RANBP2: variants seen among roughly 807,000 people sequenced by gnomAD.
RANBP2 encodes RAN binding protein 2, also known as E3 SUMO-protein ligase RanBP2.
RANBP2 carries 57 observed loss-of-function variants against 303.6 expected under a neutral mutation model. That is an observed-to-expected ratio of 0.19 (90% CI 0.15 to 0.23). The LOEUF (loss-of-function observed/expected upper bound fraction) is 0.23. Ranked by LOEUF, RANBP2 falls within the 10% of genes least tolerant of loss-of-function variation. RANBP2 has a pLI of 1.00. For missense variants in RANBP2, 3,138 were observed against 3,780.8 expected, an observed-to-expected ratio of 0.83 and a Z score of 4.46; for synonymous variants, 1,167 against 1,301.5, an observed-to-expected ratio of 0.90 and a Z score of 2.23.
chr2:109,031,454 A>C, the RANBP2 span, among the ~76,000 whole-genome samples: 1 of 152,066 alleles, frequency 6.6e-6, no homozygotes, highest in Non-Finnish European at 1.5e-5. Context: ...CCCTCTTACT[A>C]CTGTTGCACC....
the RANBP2 span, among the ~76,000 whole-genome samples, chr2:108,904,994 T>C: frequency 3.7e-4 from 56 of 152,198 alleles, no homozygotes; most frequent in Non-Finnish European, 6.0e-4. Context: ...CTCTGTATTA[T>C]CTCTTACCAC....
the RANBP2 span, among the ~76,000 whole-genome samples, chr2:108,957,815 C>T: frequency 6.6e-6 from 1 of 152,196 alleles, no homozygotes; most frequent in Non-Finnish European, 1.5e-5. Context: ...CTAATTGATG[C>T]AGCTGTTGCC....
At chr2:108,738,818 A>T (rs1289176662) in intron 6 of RANBP2, among the ~76,000 whole-genome samples, 6 of 150,218 alleles carry the variant, frequency 4.0e-5, no homozygotes, top group Admixed American at 3.3e-4. Flanking sequence ...TTAGTAGAGA[A>T]GGGGTTTCAC....
chr2:109,393,674 C>T, the RANBP2 span, among the ~76,000 whole-genome samples: 1 of 152,020 alleles, frequency 6.6e-6, no homozygotes, highest in African/African-American at 2.4e-5. Flanking sequence ...AGGACACATT[C>T]CCTCCCTTGT....
chr2:109,460,700 T>G, the RANBP2 span, among the ~76,000 whole-genome samples: 1 of 152,254 alleles, frequency 6.6e-6, no homozygotes, highest in South Asian at 2.1e-4. Flanking sequence ...TCACATGTGC[T>G]TTTCCAATTT....
At chr2:109,242,743 G>T in the RANBP2 span, among the ~76,000 whole-genome samples, 2 of 152,224 alleles carry the variant, frequency 1.3e-5, no homozygotes, top group Non-Finnish European at 2.9e-5. Flanking sequence ...CCACAGCTGG[G>T]CCTTGATCTT....
the RANBP2 span, among the ~76,000 whole-genome samples, chr2:109,450,422 T>G: frequency 6.6e-6 from 1 of 152,026 alleles, no homozygotes; most frequent in Non-Finnish European, 1.5e-5. Flanking sequence ...AGACGTTAGA[T>G]TAACCAGGAT....
At chr2:109,593,859 C>G in the RANBP2 span, among the ~76,000 whole-genome samples, 11 of 152,162 alleles carry the variant, frequency 7.2e-5, no homozygotes, top group African/African-American at 2.7e-4. Flanking sequence ...GTACCTTAGT[C>G]ACTAAAATAA....
the RANBP2 span, among the ~76,000 whole-genome samples, chr2:109,763,541 C>G: frequency 6.7e-6 from 1 of 149,954 alleles, no homozygotes; most frequent in African/African-American, 2.4e-5. Context: ...CCTCGATGGA[C>G]TGGAAGTTAA....
At chr2:109,129,236 AC>A in the RANBP2 span, 8 of 561,248 alleles carry the variant, frequency 1.4e-5, no homozygotes, top group Middle Eastern at 3.7e-4. Flanking sequence ...GCCCGGCAGC[AC>A]CCCCGGTCCC....
At chr2:109,672,677 T>C in the RANBP2 span, among the ~76,000 whole-genome samples, 1 of 152,240 alleles carries the variant, frequency 6.6e-6, no homozygotes. Context: ...ATCTATATTG[T>C]ATCATTTCTT....
chr2:109,596,192 C>T, the RANBP2 span, among the ~76,000 whole-genome samples: 22 of 151,988 alleles, frequency 1.4e-4, 1 homozygote, highest in Admixed American at 6.6e-4. Flanking sequence ...CCACCACACC[C>T]GGCTGAAAAT....
the RANBP2 span, among the ~76,000 whole-genome samples, chr2:109,578,715 C>T: frequency 1.3e-5 from 2 of 151,636 alleles, no homozygotes; most frequent in African/African-American, 4.9e-5. Context: ...TACAGTGAAC[C>T]GAGATTGTGC....
chr2:108,899,161 A>G, the RANBP2 span, among the ~76,000 whole-genome samples: 2 of 147,698 alleles, frequency 1.4e-5, no homozygotes, highest in African/African-American at 5.3e-5. Flanking sequence ...ACAAAGTCTT[A>G]GAAACAGCCA....
intron 20 of RANBP2, among the ~76,000 whole-genome samples, chr2:108,771,156 A>T (rs950687906): frequency 6.6e-6 from 1 of 151,102 alleles, no homozygotes; most frequent in African/African-American, 2.4e-5. Context: ...GTTGTTATTT[A>T]ATTTTACTTA....
At chr2:109,706,504 C>T in the RANBP2 span, among the ~76,000 whole-genome samples, 1 of 152,180 alleles carries the variant, frequency 6.6e-6, no homozygotes, top group Non-Finnish European at 1.5e-5. Context: ...CTACTGATGC[C>T]TGCCCTGACC....
chr2:108,820,524 C>A, the RANBP2 span, among the ~76,000 whole-genome samples: 1 of 151,990 alleles, frequency 6.6e-6, no homozygotes, highest in South Asian at 2.1e-4. Context: ...TCTAAAGACA[C>A]CCCCTCTAAC....
the RANBP2 span, among the ~76,000 whole-genome samples, chr2:109,272,354 C>T: frequency 6.6e-6 from 1 of 152,222 alleles, no homozygotes; most frequent in Non-Finnish European, 1.5e-5. Flanking sequence ...AAGGATGGAA[C>T]CCTGAAGAGC....
chr2:109,451,043 C>T, the RANBP2 span, among the ~76,000 whole-genome samples: 2 of 152,218 alleles, frequency 1.3e-5, no homozygotes, highest in Non-Finnish European at 2.9e-5. Context: ...CAACATGAGC[C>T]GGGAACGCTG....
Sources: allele counts gnomAD v4.1 joint callset (sites outside exome capture counted in the v4.1 genomes callset), GRCh38; gene constraint gnomAD v4.1.1; transcripts MANE v1.5; gene names NCBI Gene and HGNC (gene_info 2026-07-23, HGNC 2026-07-21).